NCKAP5: variants seen among roughly 807,000 people sequenced by gnomAD.
NCKAP5 encodes NCK associated protein 5.
NCKAP5 carries 92 observed loss-of-function variants against 167.0 expected under a neutral mutation model. The ratio of observed to expected loss-of-function variants is 0.55; its 90% CI spans 0.47 to 0.66. NCKAP5 has a LOEUF of 0.66. NCKAP5 is among the 30% of genes least tolerant of loss of function. The pLI, the probability that NCKAP5 is intolerant of heterozygous loss-of-function variation, is 0.00. For synonymous variants in NCKAP5, 891 were observed against 877.4 expected, an observed-to-expected ratio of 1.02 and a Z score of -0.27; for missense variants, 2,378 against 2,315.0, an observed-to-expected ratio of 1.03 and a Z score of -0.56.
At chr2:133,196,697 C>T (rs1342020585) in intron 5 of NCKAP5, among the ~76,000 whole-genome samples, 1 of 152,130 alleles carries the variant, frequency 6.6e-6, no homozygotes, top group Non-Finnish European at 1.5e-5. Context: ...AGACTCACAG[C>T]CCAAAACTCA....
intron 11 of NCKAP5, among the ~76,000 whole-genome samples, chr2:132,814,141 T>TAC (rs1282886680): frequency 6.6e-6 from 1 of 152,244 alleles, no homozygotes; most frequent in Non-Finnish European, 1.5e-5. Context: ...CTTCCCTTGA[T>TAC]AGTTAATACT....
At chr2:133,026,281 C>G (rs2078695397) in intron 6 of NCKAP5, among the ~76,000 whole-genome samples, 1 of 151,746 alleles carries the variant, frequency 6.6e-6, no homozygotes, top group Admixed American at 6.6e-5. Flanking sequence ...AAATTTTCTC[C>G]CATTCTGTAG....
chr2:133,162,969 C>T (rs1459763735), intron 5 of NCKAP5, among the ~76,000 whole-genome samples: 1 of 152,156 alleles, frequency 6.6e-6, no homozygotes, highest in Non-Finnish European at 1.5e-5. Context: ...ATGATGCTTT[C>T]ACCTCCATAA....
At chr2:132,719,128 C>T (rs188955099) in intron 19 of NCKAP5, among the ~76,000 whole-genome samples, 6 of 152,132 alleles carry the variant, frequency 3.9e-5, no homozygotes, top group African/African-American at 1.4e-4. Context: ...AAGCCTCCAA[C>T]AGCATTGTGT....
At chr2:133,432,092 C>T (rs752940196) in intron 3 of NCKAP5, among the ~76,000 whole-genome samples, 10 of 152,118 alleles carry the variant, frequency 6.6e-5, no homozygotes, top group Non-Finnish European at 1.2e-4. Context: ...CAAATCAGGT[C>T]AATAATCACC....
At chr2:132,675,596 GATAC>G (rs1684334149) in intron 19 of NCKAP5, among the ~76,000 whole-genome samples, 1 of 152,168 alleles carries the variant, frequency 6.6e-6, no homozygotes, top group Non-Finnish European at 1.5e-5. Flanking sequence ...AGGTGATTCT[GATAC>G]ATACTGAAAT....
At chr2:132,755,385 A>G (rs959635131) in intron 16 of NCKAP5, among the ~76,000 whole-genome samples, 1 of 152,232 alleles carries the variant, frequency 6.6e-6, no homozygotes. Flanking sequence ...GACTAAGTTC[A>G]TCCATCCTTA....
intron 3 of NCKAP5, among the ~76,000 whole-genome samples, chr2:133,327,985 A>G (rs770440345): frequency 6.6e-6 from 1 of 152,120 alleles, no homozygotes; most frequent in African/African-American, 2.4e-5. Context: ...GAGATTATTG[A>G]GCCCCAAGTA....
intron 11 of NCKAP5, among the ~76,000 whole-genome samples, chr2:132,837,398 G>C (rs550364448): frequency 6.6e-6 from 1 of 151,730 alleles, no homozygotes; most frequent in South Asian, 2.1e-4. Flanking sequence ...AATTTCTTTA[G>C]TTTTGAACTC....
At chr2:133,117,166 T>C (rs940076334) in intron 6 of NCKAP5, 2 of 152,232 alleles carry the variant, frequency 1.3e-5, no homozygotes, top group African/African-American at 4.8e-5. Flanking sequence ...AATATTATAG[T>C]TCGTCTAAAA....
chr2:133,339,856 A>G (rs1683455989), intron 3 of NCKAP5, among the ~76,000 whole-genome samples: 1 of 152,198 alleles, frequency 6.6e-6, no homozygotes, highest in Non-Finnish European at 1.5e-5. Context: ...TAGGCCATAC[A>G]TTTTATGGAA....
intron 7 of NCKAP5, among the ~76,000 whole-genome samples, chr2:132,973,161 C>A (rs1330035094): frequency 6.6e-6 from 1 of 152,194 alleles, no homozygotes; most frequent in Non-Finnish European, 1.5e-5. Context: ...TGGGGAGTGA[C>A]TCTAGGTCTG....
At chr2:133,201,943 C>G (rs11900951) in intron 5 of NCKAP5, among the ~76,000 whole-genome samples, 106,919 of 152,046 alleles carry the variant, frequency 0.7, 38,410 homozygotes, top group African/African-American at 0.84. Flanking sequence ...TCATTATCAT[C>G]AAAATGGCCA....
intron 6 of NCKAP5, among the ~76,000 whole-genome samples, chr2:133,069,884 C>T (rs1370595): frequency 0.57 from 86,901 of 151,212 alleles, 26,410 homozygotes; most frequent in East Asian, 0.96. Flanking sequence ...TATATATATA[C>T]ACACACACAA....
intron 6 of NCKAP5, among the ~76,000 whole-genome samples, chr2:133,039,204 A>G (rs1311810179): frequency 6.6e-6 from 1 of 152,200 alleles, no homozygotes; most frequent in East Asian, 1.9e-4. Context: ...TGTCTCAGCA[A>G]TGGGTGTTAG....
At chr2:133,663,272 CAAAA>C in the NCKAP5 span, among the ~76,000 whole-genome samples, 2 of 98,096 alleles carry the variant, frequency 2.0e-5, no homozygotes, top group African/African-American at 3.5e-5. Context: ...GACTCCGTCT[CAAAA>C]AAAAAAAAAA....
At chr2:133,282,435 T>C (rs891521974) in intron 4 of NCKAP5, among the ~76,000 whole-genome samples, 1 of 152,134 alleles carries the variant, frequency 6.6e-6, no homozygotes, top group African/African-American at 2.4e-5. Context: ...GATTTCCTTA[T>C]AAGTAACATT....
At chr2:133,084,764 G>C (rs191521148) in intron 6 of NCKAP5, among the ~76,000 whole-genome samples, 1 of 152,206 alleles carries the variant, frequency 6.6e-6, no homozygotes, top group East Asian at 1.9e-4. Flanking sequence ...CTCAGCATCA[G>C]GACACAGAAC....
the NCKAP5 span, among the ~76,000 whole-genome samples, chr2:133,640,854 G>A: frequency 0.043 from 6,608 of 152,262 alleles, 460 homozygotes; most frequent in African/African-American, 0.15. Flanking sequence ...AACAACTGCT[G>A]TAAGTCAAGC....
Sources: allele counts gnomAD v4.1 joint callset (sites outside exome capture counted in the v4.1 genomes callset), GRCh38; gene constraint gnomAD v4.1.1; transcripts MANE v1.5; gene names NCBI Gene and HGNC (gene_info 2026-07-23, HGNC 2026-07-21).